Variants in STPG2 observed in about 807,000 individuals in gnomAD.
The protein encoded by STPG2 is sperm-tail PG-rich repeat-containing protein 2.
In STPG2, 56 loss-of-function variants were observed where a neutral mutation model predicts 54.2. The observed-to-expected ratio is 1.03, with a 90% CI of 0.83 to 1.29. The LOEUF is 1.29. Ranked by LOEUF, STPG2 falls within the 50% of genes most tolerant of loss-of-function variation. The pLI, the probability that STPG2 is intolerant of heterozygous loss-of-function variation, is 0.00. For missense variants in STPG2, 596 were observed against 544.9 expected, an observed-to-expected ratio of 1.09 and a Z score of -0.93; for synonymous variants, 200 against 181.8, an observed-to-expected ratio of 1.10 and a Z score of -0.81.
In STPG2 at chr4:97,678,354, C is replaced by G. The variant is rs1177640694; in HGVS notation, c.1320+34345G>C. Reference sequence around the variant, plus strand: ...ATCCACTTAGTAAGAATAAAATTAGCACACAAAACATTTAAAAACTATTCA... The same window carrying G: ...ATCCACTTAGTAAGAATAAAATTAGGACACAAAACATTTAAAAACTATTCA... On this transcript the variant is annotated intron_variant, in intron 10 of 10. Coordinates refer to ENST00000295268, the MANE Select transcript of STPG2 (RefSeq NM_174952.3). Among the ~76,000 whole-genome samples, 4 of 150,678 alleles carry G rather than the reference C, an allele frequency of 2.7e-5. No homozygotes were observed. The East Asian group carries it at 7.8e-4, about 29-fold the overall frequency.
In STPG2 at chr4:97,497,198, C is replaced by T. The variant is rs369904587; in HGVS notation, c.462+215501G>A. ...CACAAGCAGGCAGCATATACACTAA[C>T]GACTACTTGCCATCTCAATCTAAGA... On this transcript the variant is annotated intron_variant, in intron 4 of 4. Transcript: ENST00000522676. 9.9e-5 allele frequency among the ~76,000 whole-genome samples: 15 copies of T among 151,786 alleles called. 1 individual carries two copies. The highest frequency in any genetic ancestry group is 3.4e-3 in the Middle Eastern group (1 of 294).
intron 8 of STPG2, among the ~76,000 whole-genome samples, chr4:97,864,965 A>G (rs567021339): frequency 7.9e-5 from 12 of 152,020 alleles, no homozygotes; most frequent in East Asian, 1.9e-4. Flanking sequence ...AGACTTAAAT[A>G]TTATACCTAA....
chr4:98,026,599 C>T (rs1736429358), intron 5 of STPG2, among the ~76,000 whole-genome samples: 1 of 152,162 alleles, frequency 6.6e-6, no homozygotes. Flanking sequence ...CCCTCAAGGA[C>T]AGCTTCCTGT....
At chr4:97,969,922 C>A (rs1158964545) in intron 7 of STPG2, among the ~76,000 whole-genome samples, 1 of 152,176 alleles carries the variant, frequency 6.6e-6, no homozygotes, top group Non-Finnish European at 1.5e-5. Context: ...TCCATCGTCT[C>A]AGCCCAAAAT....
intron 6 of STPG2, among the ~76,000 whole-genome samples, chr4:97,979,922 A>ACCATGTTGGCCAGGATGGTCTCGATCC (rs1734617715): frequency 6.6e-6 from 1 of 151,854 alleles, no homozygotes; most frequent in Admixed American, 6.6e-5. Context: ...ATGGAGTTTC[A>ACCATGTTGGCCAGGATGGTCTCGATCC]CCATGTTGGC....
intron 4 of STPG2, among the ~76,000 whole-genome samples, chr4:97,451,404 G>C (rs1729360922): frequency 6.6e-6 from 1 of 151,960 alleles, no homozygotes; most frequent in African/African-American, 2.4e-5. Context: ...GGGGAGAAGA[G>C]AGGAGAGGAG....
intron 5 of STPG2, chr4:98,048,417 T>TAC (rs1578811883): frequency 2.0e-5 from 3 of 152,250 alleles, no homozygotes; most frequent in African/African-American, 7.2e-5. Context: ...ATGTTATATG[T>TAC]AGGCTTTTTG....
intron 7 of STPG2, among the ~76,000 whole-genome samples, chr4:97,966,000 G>A (rs1000478959): frequency 1.4e-4 from 22 of 152,268 alleles, no homozygotes; most frequent in African/African-American, 4.8e-4. Flanking sequence ...ACAAAACAAA[G>A]CTGGGTGGAG....
chr4:98,005,598 TG>T (rs1417419922), intron 5 of STPG2, among the ~76,000 whole-genome samples: 2 of 152,202 alleles, frequency 1.3e-5, no homozygotes, highest in East Asian at 3.9e-4. Context: ...TGCTGAATTT[TG>T]TCCAACACTT....
intron 4 of STPG2, among the ~76,000 whole-genome samples, chr4:97,539,916 C>A (rs892927286): frequency 1.3e-5 from 2 of 152,150 alleles, no homozygotes; most frequent in Non-Finnish European, 2.9e-5. Context: ...ATAAAGATTT[C>A]TTTGAAACCA....
chr4:97,737,080 T>A (rs1336045719), intron 9 of STPG2, among the ~76,000 whole-genome samples: 1 of 152,194 alleles, frequency 6.6e-6, no homozygotes, highest in African/African-American at 2.4e-5. Context: ...CAGCCACCGC[T>A]GCTGGAACCC....
intron 8 of STPG2, among the ~76,000 whole-genome samples, chr4:97,848,349 G>A (rs1024805325): frequency 1.3e-5 from 2 of 152,030 alleles, no homozygotes; most frequent in African/African-American, 4.8e-5. Context: ...ATAAGGGCAA[G>A]AAAAAGATAA....
chr4:98,027,161 C>A (rs1238632940), intron 5 of STPG2, among the ~76,000 whole-genome samples: 1 of 152,164 alleles, frequency 6.6e-6, no homozygotes, highest in Non-Finnish European at 1.5e-5. Context: ...TATTACTCTT[C>A]TAATAAATAC....
chr4:97,887,694 G>GA (rs1171485949), intron 8 of STPG2, among the ~76,000 whole-genome samples: 4 of 152,180 alleles, frequency 2.6e-5, no homozygotes, highest in Non-Finnish European at 5.9e-5. Flanking sequence ...ATTTTCTGGG[G>GA]AAAAAATTAA....
At chr4:97,475,798 C>T (rs1312337852) in intron 4 of STPG2, among the ~76,000 whole-genome samples, 8 of 152,186 alleles carry the variant, frequency 5.3e-5, no homozygotes, top group African/African-American at 1.2e-4. Flanking sequence ...CTGGAATGAC[C>T]GCTGACTGCT....
chr4:97,768,183 T>C (rs939085221), intron 9 of STPG2, among the ~76,000 whole-genome samples: 2 of 146,986 alleles, frequency 1.4e-5, no homozygotes, highest in African/African-American at 5.0e-5. Context: ...AAAAAAAACA[T>C]AAGAGTTAAC....
intron 8 of STPG2, among the ~76,000 whole-genome samples, chr4:97,916,022 G>A (rs1560587829): frequency 6.6e-6 from 1 of 152,170 alleles, no homozygotes; most frequent in Admixed American, 6.6e-5. Flanking sequence ...TCTTAGAGGT[G>A]TGAATGACAG....
intron 6 of STPG2, among the ~76,000 whole-genome samples, chr4:97,973,792 G>A (rs1248570461): frequency 1.3e-5 from 2 of 152,082 alleles, no homozygotes; most frequent in African/African-American, 2.4e-5. Flanking sequence ...TGGCAGCTAC[G>A]TATGGAAATT....
At chr4:98,104,007 A>G (rs115586924) in intron 5 of STPG2, among the ~76,000 whole-genome samples, 31 of 152,300 alleles carry the variant, frequency 2.0e-4, no homozygotes, top group Non-Finnish European at 3.4e-4. Context: ...AGCTGAACTC[A>G]TTATCTGCTC....
Sources: allele counts gnomAD v4.1 joint callset (sites outside exome capture counted in the v4.1 genomes callset), GRCh38; gene constraint gnomAD v4.1.1; transcripts MANE v1.5; gene names NCBI Gene and HGNC (gene_info 2026-07-23, HGNC 2026-07-21).